Variants in BBS9 observed in about 807,000 individuals in gnomAD.
The protein encoded by BBS9 is Bardet-Biedl syndrome 9.
In BBS9, 89 loss-of-function variants were observed where a neutral mutation model predicts 117.7. The ratio of observed to expected loss-of-function variants is 0.76; its 90% CI spans 0.64 to 0.90. BBS9 has a LOEUF of 0.90. Among genes scored for constraint, BBS9 ranks in the 40% least tolerant of loss-of-function variants. The pLI, the probability that BBS9 is intolerant of heterozygous loss-of-function variation, is 0.00. For missense variants in BBS9, 982 were observed against 1,042.2 expected (o/e 0.94, Z 0.80); for synonymous variants, 379 against 370.9 (o/e 1.02, Z -0.25).
chr7:33,413,735 G>A (rs6958002), intron 19 of BBS9, among the ~76,000 whole-genome samples: 87,594 of 151,996 alleles, frequency 0.58, 25,452 homozygotes, highest in East Asian at 0.68. Context: ...ATTAAAGCCA[G>A]ACCAGGCCGG....
intron 21 of BBS9, among the ~76,000 whole-genome samples, chr7:33,543,430 TC>T (rs1166855966): frequency 6.6e-6 from 1 of 152,208 alleles, no homozygotes; most frequent in Non-Finnish European, 1.5e-5. Flanking sequence ...TACTGACTGT[TC>T]CTTTTGCCAT....
intron 21 of BBS9, among the ~76,000 whole-genome samples, chr7:33,567,703 A>C (rs1010223267): frequency 1.3e-5 from 2 of 152,152 alleles, no homozygotes; most frequent in Non-Finnish European, 2.9e-5. Context: ...AGATCCATAC[A>C]TCCAGTTGTT....
At chr7:33,569,634 C>T (rs1006224919) in intron 21 of BBS9, among the ~76,000 whole-genome samples, 3 of 151,006 alleles carry the variant, frequency 2.0e-5, no homozygotes, top group South Asian at 2.1e-4. Context: ...GGGTGGCTGG[C>T]GCCTATAGTC....
intron 13 of BBS9, chr7:33,349,441 A>T (rs1049175040): frequency 2.3e-6 from 1 of 439,524 alleles, no homozygotes; most frequent in Admixed American, 2.8e-5. Flanking sequence ...TGATTTATTT[A>T]TTTATTTTTG....
chr7:33,459,138 A>C (rs929424417), intron 19 of BBS9, among the ~76,000 whole-genome samples: 1 of 152,112 alleles, frequency 6.6e-6, no homozygotes, highest in Non-Finnish European at 1.5e-5. Context: ...TCAAGAAGAC[A>C]AAACGAACTC....
At chr7:33,614,640 C>T (rs943899006) in intron 21 of BBS9, among the ~76,000 whole-genome samples, 9 of 152,004 alleles carry the variant, frequency 5.9e-5, no homozygotes, top group African/African-American at 1.2e-4. Context: ...CTAGTATCAG[C>T]GCAAGAAAAC....
chr7:33,406,245 G>A (rs968613714), intron 19 of BBS9, among the ~76,000 whole-genome samples: 4 of 152,138 alleles, frequency 2.6e-5, no homozygotes, highest in Non-Finnish European at 4.4e-5. Context: ...ATTTGCTGGG[G>A]AGAGCTTTAC....
At chr7:33,136,796 T>A (rs1705083982) in intron 1 of BBS9, among the ~76,000 whole-genome samples, 1 of 152,168 alleles carries the variant, frequency 6.6e-6, no homozygotes, top group Non-Finnish European at 1.5e-5. Flanking sequence ...TTTCTTGTGA[T>A]GTGTTTGGTT....
At chr7:33,209,785 T>A (rs977480096) in intron 5 of BBS9, among the ~76,000 whole-genome samples, 1 of 152,154 alleles carries the variant, frequency 6.6e-6, no homozygotes, top group Admixed American at 6.5e-5. Flanking sequence ...CTTTTCTCTT[T>A]TTTTATTACT....
intron 6 of BBS9, among the ~76,000 whole-genome samples, chr7:33,259,064 A>G (rs1194618710): frequency 6.6e-6 from 1 of 152,164 alleles, no homozygotes; most frequent in Admixed American, 6.5e-5. Flanking sequence ...CGTATGTTGT[A>G]CTTATATATG....
chr7:33,599,428 A>G (rs562251585), intron 21 of BBS9, among the ~76,000 whole-genome samples: 354 of 152,314 alleles, frequency 2.3e-3, no homozygotes, highest in African/African-American at 8.2e-3. Flanking sequence ...GAAAATAGTC[A>G]GTGAAATTTT....
In BBS9 at chr7:33,151,104, T is replaced by A. The variant is rs79318662; in HGVS notation, c.113-1597T>A. 0.018 allele frequency among the ~76,000 whole-genome samples: 2,758 copies of A among 152,118 alleles called. 232 individuals carry two copies. In the East Asian group the frequency reaches 0.28, roughly 15 times the overall value. ...ACATCCCTACAAAAAATACAAAAAT[T>A]AGCTGGGCATGAAGGCATATGCCTG... On this transcript the variant is annotated intron_variant, in intron 2 of 22. Coordinates refer to ENST00000242067, the MANE Select transcript of BBS9 (RefSeq NM_198428.3).
At chr7:33,626,203 T>C (rs1865629077) in intron 21 of BBS9, among the ~76,000 whole-genome samples, 2 of 152,344 alleles carry the variant, frequency 1.3e-5, no homozygotes, top group African/African-American at 2.4e-5. Flanking sequence ...GCTCTGGCCA[T>C]GTAAGACATG....
intron 21 of BBS9, among the ~76,000 whole-genome samples, chr7:33,567,842 T>C (rs901159260): frequency 6.6e-6 from 1 of 152,116 alleles, no homozygotes; most frequent in Non-Finnish European, 1.5e-5. Flanking sequence ...TATCTCAGGA[T>C]TAGTACTGGC....
At chr7:33,181,046 G>A (rs1798031022) in intron 5 of BBS9, among the ~76,000 whole-genome samples, 1 of 152,178 alleles carries the variant, frequency 6.6e-6, no homozygotes. Flanking sequence ...TGTGTGAATG[G>A]TACAAAGTAC....
intron 19 of BBS9, among the ~76,000 whole-genome samples, chr7:33,436,533 A>T (rs1835330866): frequency 6.6e-6 from 1 of 152,236 alleles, no homozygotes; most frequent in African/African-American, 2.4e-5. Flanking sequence ...AGAAATAATG[A>T]ATAAAAACAT....
At chr7:33,513,818 C>A (rs902439758) in intron 20 of BBS9, among the ~76,000 whole-genome samples, 4 of 152,232 alleles carry the variant, frequency 2.6e-5, no homozygotes, top group Admixed American at 6.5e-5. Context: ...GTTAGGTACA[C>A]TTCACCTATA....
At chr7:33,524,293 T>C (rs1223699171) in intron 20 of BBS9, among the ~76,000 whole-genome samples, 1 of 152,110 alleles carries the variant, frequency 6.6e-6, no homozygotes, top group Non-Finnish European at 1.5e-5. Flanking sequence ...TCCCTCTTTT[T>C]CTGTTGATTG....
intron 19 of BBS9, among the ~76,000 whole-genome samples, chr7:33,411,559 G>A (rs574562796): frequency 6.6e-6 from 1 of 152,146 alleles, no homozygotes; most frequent in South Asian, 2.1e-4. Context: ...CAAAAATTGT[G>A]TATTTTTATT....
Sources: allele counts gnomAD v4.1 joint callset (sites outside exome capture counted in the v4.1 genomes callset), GRCh38; gene constraint gnomAD v4.1.1; transcripts MANE v1.5; gene names NCBI Gene and HGNC (gene_info 2026-07-23, HGNC 2026-07-21).